Variants in LAMC3 observed in about 807,000 individuals in gnomAD.
LAMC3 encodes the protein laminin subunit gamma 3, also known as laminin subunit gamma-3.
In LAMC3, 128 loss-of-function variants were observed where a neutral mutation model predicts 173.8. The ratio of observed to expected loss-of-function variants is 0.74; its 90% CI spans 0.64 to 0.85. LAMC3 has a LOEUF of 0.85. LAMC3 is among the 40% of genes least tolerant of loss of function. LAMC3 has a pLI of 0.00. For missense variants in LAMC3, 2,022 were observed against 2,156.0 expected, an observed-to-expected ratio of 0.94 and a Z score of 1.23; for synonymous variants, 897 against 909.1, an observed-to-expected ratio of 0.99 and a Z score of 0.24.
rs73554443 is a variant in LAMC3 at position 131,068,811 on chromosome 9, G to T, written c.2748-97G>T. 0.019 allele frequency: 25,052 copies of T among 1,346,832 alleles called. 3,263 individuals carry two copies. The African/African-American group carries it at 0.3, about 16-fold the overall frequency. The allele number at this position is 1,346,832 out of a possible 1,614,324, so 83.4% of individuals were successfully genotyped here. On this transcript the variant is annotated intron_variant, in intron 15 of 27. Coordinates refer to ENST00000361069, the MANE Select transcript of LAMC3 (RefSeq NM_006059.4). ...AGGAGATGGGGTCTTGTCAGCAGAG[G>T]GCTGTGATCTGAGGCCCCAGCCAGC...
chr9:131,036,103 C>CT, intron 3 of LAMC3, 63 bp from the exon 4 acceptor site: 1 of 1,572,916 alleles, frequency 6.4e-7, no homozygotes, highest in Non-Finnish European at 8.7e-7. Flanking sequence ...TACCTGGTGA[C>CT]TAACTCCTTG....
intron 17 of LAMC3, 141 bp downstream of exon 17, chr9:131,069,991 C>A: frequency 2.3e-6 from 2 of 882,586 alleles, no homozygotes; most frequent in Non-Finnish European, 1.8e-6. Flanking sequence ...CTCCCTGTGC[C>A]CACCCAGCTT....
In LAMC3 at chr9:131,045,622, AG is replaced by A. The variant is rs1564374052; in HGVS notation, c.1482del (p.Gln494HisfsTer39). On this transcript the variant is annotated frameshift_variant, in exon 8 of 28. Coordinates refer to ENST00000361069, the MANE Select transcript of LAMC3 (RefSeq NM_006059.4). LOFTEE classifies it high-confidence loss of function. ...TCCAAGGTGTGCGCGTCCACTGCCC[AG>A]TTCCAGGTGCATCACATCCTCAGCG... is the stretch of plus-strand genomic sequence containing the variant. Reference protein sequence around the residue: ...GHSKVCASTAQFQVHHILSDF... With the variant: ...GHSKVCASTAXFQVHHILSDF... The A allele has an allele frequency of 1.1e-5, 18 of 1,614,210 alleles. No individual in the cohort carries two copies. Among genetic ancestry groups the A allele is most frequent in the Non-Finnish European group, 1.5e-5 (18 of 1,180,042 alleles).
intron 4 of LAMC3, among the ~76,000 whole-genome samples, chr9:131,037,675 T>C (rs1467547093): frequency 1.3e-5 from 2 of 152,226 alleles, no homozygotes; most frequent in Admixed American, 6.5e-5. Flanking sequence ...AGCAATGTTT[T>C]ATAGAGCTCG....
At position 131,091,962 on chromosome 9, in the gene LAMC3, A is replaced by G. The variant is rs531008564; in HGVS notation, c.*175A>G. The G allele has an allele frequency of 3.2e-5, 24 of 758,470 alleles. No individual in the cohort carries two copies. In the East Asian group the frequency reaches 6.2e-4, roughly 20 times the overall value. 47.0% of individuals were successfully genotyped at this position (758,470 alleles called of 1,614,324 possible). A position where few individuals can be genotyped will look rare whatever the true frequency, so the allele number is the denominator to read the frequency against. ...TTCTGTCTGTGGCTTCTTCCCTGCC[A>G]GCAGGACTGAGTGTGCGTACCCAGT... On this transcript the variant is annotated 3_prime_UTR_variant, in exon 28 of 28. Coordinates refer to ENST00000361069, the MANE Select transcript of LAMC3 (RefSeq NM_006059.4).
intron 1 of LAMC3, among the ~76,000 whole-genome samples, chr9:131,017,951 G>A (rs1468382346): frequency 1.3e-5 from 2 of 151,586 alleles, no homozygotes; most frequent in Non-Finnish European, 2.9e-5. Context: ...ACTGGAACCC[G>A]GGAGGCAGAG....
chr9:131,012,413 G>T (rs1257752518), intron 1 of LAMC3, among the ~76,000 whole-genome samples: 1 of 152,198 alleles, frequency 6.6e-6, no homozygotes, highest in Non-Finnish European at 1.5e-5. Context: ...GCCCGGGTCG[G>T]AGCCATGGCA....
Position 131,009,633 on chromosome 9 carries a change from T to C in LAMC3, c.373+46T>C. 1 of 1,546,344 alleles carries C rather than the reference T, an allele frequency of 6.5e-7. No homozygotes were observed. On this transcript the variant is annotated intron_variant, in intron 1 of 27. Coordinates refer to ENST00000361069, the MANE Select transcript of LAMC3 (RefSeq NM_006059.4). This position sits in a 1 kb window ranked among gnomAD's most constrained non-coding sequence, Gnocchi z 4.3. ...CCGCCACCGCACCCCGTGTCCCCAC[T>C]CCACTGGGGGTCTGAGGCTGAGGCC...
chr9:131,082,102 C>G lies in LAMC3; in HGVS notation c.3971C>G (p.Ser1324Cys). ...GCCGCCCTGACCCAGGCTTCCTCAT[C>G]TGTCCAGGCTGCGACAGTGACTGTC... ...ARAALTQASS[S>C]VQAATVTVMG... is the part of the protein sequence containing the mutation. The change falls in exon 24 of 28, where the codon TCT becomes TGT. Residue 1324 changes from serine to cysteine, a missense_variant. Physicochemically the swap from Ser to Cys is moderately radical, Grantham distance 112. Coordinates refer to ENST00000361069, the MANE Select transcript of LAMC3 (RefSeq NM_006059.4). The G allele has an allele frequency of 6.2e-6, 10 of 1,614,040 alleles. No homozygotes were observed. The highest frequency in any genetic ancestry group is 8.5e-6 in the Non-Finnish European group (10 of 1,179,994).
intron 1 of LAMC3, among the ~76,000 whole-genome samples, chr9:131,025,439 C>T (rs542140161): frequency 6.6e-6 from 1 of 152,240 alleles, no homozygotes; most frequent in Non-Finnish European, 1.5e-5. Context: ...GTGCCTAAAG[C>T]CTGCAGATCC....
rs1830190344 is a variant in LAMC3, at chr9:131,079,181, G to A, written c.3810G>A (p.Leu1270=). The change falls in exon 23 of 28, where the codon CTG becomes CTA. Residue 1270 remains leucine (L), a synonymous_variant. Transcript: ENST00000361069. ...PQKSRAEDLG[L]KAKALEKTVA... is the part of the protein sequence containing the mutation. ...AGTCCCGGGCTGAAGACCTGGGCCT[G>A]AAGGCGAAGGCCCTGGAGAAGACAG... 6.2e-7 allele frequency: 1 copy of A among 1,613,820 alleles called. No homozygotes were observed. Among genetic ancestry groups the A allele is most frequent in the African/African-American group, 1.3e-5 (1 of 74,954 alleles).
At chr9:131,079,824 C>A (rs1265774328) in intron 23 of LAMC3, among the ~76,000 whole-genome samples, 1 of 152,074 alleles carries the variant, frequency 6.6e-6, no homozygotes, top group African/African-American at 2.4e-5. Flanking sequence ...TGACAGAGGA[C>A]AGCAGCAGCA....
At chr9:131,013,556 C>A (rs1833463377) in intron 1 of LAMC3, among the ~76,000 whole-genome samples, 1 of 152,164 alleles carries the variant, frequency 6.6e-6, no homozygotes, top group African/African-American at 2.4e-5. Flanking sequence ...CATGTGCGGC[C>A]CCTGTCCTGA....
intron 7 of LAMC3, among the ~76,000 whole-genome samples, chr9:131,043,522 G>A (rs145264629): frequency 2.3e-4 from 35 of 152,306 alleles, no homozygotes; most frequent in African/African-American, 7.7e-4. Context: ...CACAGGAGCC[G>A]ACGTGAAAGA....
Position 131,039,169 on chromosome 9 carries a change from G to A in LAMC3, c.1204G>A (p.Ala402Thr), listed in dbSNP as rs372107086. 6.2e-6 allele frequency: 10 copies of A among 1,610,808 alleles called. No homozygotes were observed. The East Asian group carries it at 6.7e-5, about 11-fold the overall frequency. ...CCAGTGCGATGACACAGGCACCTGCGCCTGCAAGCCCACGGTGACTGGCTG... is the reference window on the plus strand; with the variant it reads ...CCAGTGCGATGACACAGGCACCTGCACCTGCAAGCCCACGGTGACTGGCTG... Reference protein sequence around the residue: ...HLQCDDTGTCACKPTVTGWKC... With the variant: ...HLQCDDTGTCTCKPTVTGWKC... The change falls in exon 6 of 28, where the codon GCC becomes ACC. Residue 402 changes from alanine (A) to threonine (T), a missense_variant. Ala to Thr is a moderately conservative substitution (Grantham distance 58). Transcript: ENST00000361069.
At chr9:131,024,919 G>C (rs988193969) in intron 1 of LAMC3, among the ~76,000 whole-genome samples, 2 of 152,100 alleles carry the variant, frequency 1.3e-5, no homozygotes, top group African/African-American at 4.8e-5. Flanking sequence ...GGATGTCAGG[G>C]GTGTGCATTA....
rs1834234092 is a variant in LAMC3, at chr9:131,049,098, G to A, written c.1598G>A (p.Ser533Asn). The A allele has an allele frequency of 1.9e-6, 3 of 1,551,896 alleles. No individual in the cohort carries two copies. Among genetic ancestry groups the A allele is most frequent in the South Asian group, 2.4e-5 (2 of 84,088 alleles). ...TGGAGCCCAAATGGGGTCCTCCTGAGCCCAGAAGACGAGGAGGAGCTCACA... is the reference window on the plus strand; with the variant it reads ...TGGAGCCCAAATGGGGTCCTCCTGAACCCAGAAGACGAGGAGGAGCTCACA... ...PQWSPNGVLL[S>N]PEDEEELTAP... is the part of the protein sequence containing the mutation. The change falls in exon 9 of 28, where the codon AGC (serine) becomes AAC (asparagine). Residue 533 changes from serine to asparagine, a missense_variant. Transcript: ENST00000361069.
intron 8 of LAMC3, among the ~76,000 whole-genome samples, chr9:131,047,844 C>A (rs1834199845): frequency 6.6e-6 from 1 of 151,388 alleles, no homozygotes; most frequent in Non-Finnish European, 1.5e-5. Context: ...GCCTGAGTGA[C>A]AGGGTGAGAC....
At chr9:131,019,635 A>G (rs1417264774) in intron 1 of LAMC3, among the ~76,000 whole-genome samples, 2 of 152,160 alleles carry the variant, frequency 1.3e-5, no homozygotes, top group African/African-American at 2.4e-5. Context: ...GAGATCCCCA[A>G]ACACTTCATT....
Sources: gnomAD v4.1 joint callset for allele counts (sites outside exome capture counted in the v4.1 genomes callset) on GRCh38, gnomAD v4.1.1 for gene constraint, Gnocchi (gnomAD v3.1) non-coding constraint, MANE v1.5 for transcripts, NCBI Gene and HGNC (gene_info 2026-07-23, HGNC 2026-07-21) for gene names.